The following EYS variants were observed in gnomAD, a reference collection of about 807,000 sequenced individuals.
EYS encodes the protein protein eyes shut homolog.
EYS carries 250 observed loss-of-function variants against 282.1 expected under a neutral mutation model. That is an observed-to-expected ratio of 0.89 (90% confidence interval 0.80 to 0.98). EYS has a LOEUF of 0.98. Among genes scored for constraint, EYS ranks in the 50% least tolerant of loss-of-function variants. The pLI is 0.00. For synonymous variants in EYS, 1,355 were observed against 1,282.9 expected, an observed-to-expected ratio of 1.06 and a Z score of -1.20; for missense variants, 4,016 against 3,709.0, an observed-to-expected ratio of 1.08 and a Z score of -2.15.
chr6:65,105,038 T>C (rs1346255098), intron 12 of EYS, among the ~76,000 whole-genome samples: 1 of 151,688 alleles, frequency 6.6e-6, no homozygotes, highest in Non-Finnish European at 1.5e-5. Context: ...ATGTGTGATA[T>C]ACATGTTTTT....
chr6:64,936,003 A>C (rs979462415), intron 15 of EYS, among the ~76,000 whole-genome samples: 3 of 151,620 alleles, frequency 2.0e-5, no homozygotes, highest in African/African-American at 7.2e-5. Flanking sequence ...AGAAAAATAC[A>C]GATCAATATG....
chr6:65,334,460 A>G (rs1769907131), intron 11 of EYS, among the ~76,000 whole-genome samples: 1 of 151,288 alleles, frequency 6.6e-6, no homozygotes, highest in Non-Finnish European at 1.5e-5. Flanking sequence ...TGTAGAGACA[A>G]ATTATCACTA....
chr6:63,993,068 A>G (rs1393380273), intron 34 of EYS, among the ~76,000 whole-genome samples: 1 of 151,846 alleles, frequency 6.6e-6, no homozygotes, highest in East Asian at 1.9e-4. Flanking sequence ...AATTACATTA[A>G]CAAACTGGAA....
intron 1 of EYS, among the ~76,000 whole-genome samples, chr6:65,705,609 T>C (rs951542153): frequency 4.6e-5 from 7 of 152,180 alleles, no homozygotes; most frequent in East Asian, 1.9e-4. Context: ...AGTTATTCTC[T>C]AGTTGGTTAA....
intron 33 of EYS, among the ~76,000 whole-genome samples, chr6:64,053,809 CT>C (rs776577193): frequency 6.6e-6 from 1 of 152,024 alleles, no homozygotes; most frequent in Non-Finnish European, 1.5e-5. Context: ...ATGCCATTTC[CT>C]TTTTTGCAAC....
rs145462684 is a variant in EYS, at chr6:64,374,781, C to T, written c.6078+13909G>A. Among the ~76,000 whole-genome samples, 28 of 152,216 alleles carry T rather than the reference C, an allele frequency of 1.8e-4. No individual in the cohort carries two copies. In the South Asian group the frequency reaches 1.9e-3, roughly 10 times the overall value. On this transcript the variant is annotated intron_variant, in intron 29 of 42. Transcript: ENST00000503581. ...AATCTAGTACCCTGAAGCTGCCAAACGGTAAAGTAGTCCCAGCTAAGCATA... is the reference window on the plus strand; with the variant it reads ...AATCTAGTACCCTGAAGCTGCCAAATGGTAAAGTAGTCCCAGCTAAGCATA...
At chr6:64,931,023 C>T (rs1423518712) in intron 15 of EYS, among the ~76,000 whole-genome samples, 2 of 152,184 alleles carry the variant, frequency 1.3e-5, no homozygotes, top group Admixed American at 1.3e-4. Flanking sequence ...ATTCAAATTA[C>T]ATCGCTAGCC....
intron 30 of EYS, among the ~76,000 whole-genome samples, chr6:64,294,009 T>C (rs1768810899): frequency 1.3e-5 from 2 of 152,166 alleles, no homozygotes; most frequent in African/African-American, 4.8e-5. Context: ...GCCTGAGGTA[T>C]ACGCTACCTA....
chr6:65,069,263 C>T (rs2150164611), intron 12 of EYS, among the ~76,000 whole-genome samples: 1 of 152,030 alleles, frequency 6.6e-6, no homozygotes, highest in Admixed American at 6.6e-5. Context: ...TAAAAGAAAA[C>T]AGAAAACTTT....
At chr6:65,434,348 T>C (rs1464948266) in intron 5 of EYS, among the ~76,000 whole-genome samples, 1 of 147,058 alleles carries the variant, frequency 6.8e-6, no homozygotes, top group East Asian at 2.0e-4. Context: ...TGAGACGGAG[T>C]CTCGCTCTGT....
chr6:64,391,018 G>T (rs1009610839), intron 28 of EYS, among the ~76,000 whole-genome samples: 1 of 152,114 alleles, frequency 6.6e-6, no homozygotes, highest in Admixed American at 6.6e-5. Flanking sequence ...TGAAAGAAAG[G>T]GTATCAGTGA....
intron 22 of EYS, among the ~76,000 whole-genome samples, chr6:64,755,497 T>C (rs1004897410): frequency 2.3e-4 from 32 of 138,958 alleles, no homozygotes; most frequent in Admixed American, 5.0e-4. Flanking sequence ...AGAACATACA[T>C]ACACACACAC....
At chr6:64,989,733 T>C (rs970878904) in intron 14 of EYS, among the ~76,000 whole-genome samples, 4 of 145,592 alleles carry the variant, frequency 2.7e-5, no homozygotes, top group Admixed American at 7.0e-5. Context: ...TTTTATATTA[T>C]ATATAATTGT....
intron 2 of EYS, among the ~76,000 whole-genome samples, chr6:65,506,632 C>T (rs1369383890): frequency 6.8e-6 from 1 of 146,362 alleles, no homozygotes; most frequent in African/African-American, 2.6e-5. Context: ...CACATGTCAC[C>T]AGACCAGACT....
chr6:64,741,336 C>A (rs181954206), intron 22 of EYS, among the ~76,000 whole-genome samples: 257 of 152,160 alleles, frequency 1.7e-3, no homozygotes, highest in Non-Finnish European at 1.6e-3. Context: ...ATTCAGTAAG[C>A]AAACTGTAAA....
At chr6:63,932,254 T>G (rs1764917595) in intron 35 of EYS, among the ~76,000 whole-genome samples, 1 of 152,234 alleles carries the variant, frequency 6.6e-6, no homozygotes, top group African/African-American at 2.4e-5. Context: ...TTAGCTTGAT[T>G]TTTTATCTTT....
intron 22 of EYS, among the ~76,000 whole-genome samples, chr6:64,750,934 G>C (rs1237049878): frequency 6.6e-6 from 1 of 152,118 alleles, no homozygotes; most frequent in Non-Finnish European, 1.5e-5. Flanking sequence ...CCAAGAACTT[G>C]GTGCAGCAGC....
intron 5 of EYS, among the ~76,000 whole-genome samples, chr6:65,468,273 G>A (rs1000356264): frequency 6.6e-6 from 1 of 152,096 alleles, no homozygotes; most frequent in African/African-American, 2.4e-5. Context: ...TATTTTTGCT[G>A]TTTTCTTTTT....
At position 64,982,038 on chromosome 6, in the gene EYS, T is replaced by C. The variant is rs150943773; in HGVS notation, c.2259+15544A>G. On this transcript the variant is annotated intron_variant, in intron 14 of 42. Coordinates refer to ENST00000503581, the MANE Select transcript of EYS (RefSeq NM_001142800.2). ...ACAATAGTACTTGTAGCAAGAGAAA[T>C]CAAGAGAAGAGAACCATGCCAGCAT... Among the ~76,000 whole-genome samples the C allele has an allele frequency of 9.8e-4, 148 of 151,546 alleles. 1 individual carries two copies. The highest frequency in any genetic ancestry group is 3.5e-3 in the African/African-American group (144 of 41,456).
Sources: allele counts gnomAD v4.1 joint callset (sites outside exome capture counted in the v4.1 genomes callset), GRCh38; gene constraint gnomAD v4.1.1; transcripts MANE v1.5; gene names NCBI Gene and HGNC (gene_info 2026-07-23, HGNC 2026-07-21).